The following CIITA variants were observed in gnomAD, a reference collection of about 807,000 sequenced individuals.
CIITA encodes the protein MHC class II transactivator.
Under a neutral mutation model 115.1 loss-of-function variants are expected in CIITA, and 72 were observed. The ratio of observed to expected loss-of-function variants is 0.63; its 90% CI spans 0.52 to 0.76. CIITA has a LOEUF of 0.76. Ranked by LOEUF, CIITA falls within the 30% of genes least tolerant of loss-of-function variation. CIITA has a pLI of 0.00. For synonymous variants in CIITA, 763 were observed against 635.6 expected, an observed-to-expected ratio of 1.20 and a Z score of -3.02; for missense variants, 1,617 against 1,463.8, an observed-to-expected ratio of 1.10 and a Z score of -1.71.
chr16:10,908,554 T>G (rs1187151506), intron 11 of CIITA: 2 of 412,514 alleles, frequency 4.8e-6, no homozygotes, highest in Non-Finnish European at 9.1e-6. Context: ...CATTTTGTAT[T>G]CAGCAACCAG....
chr16:10,907,068 C>T lies in CIITA; in HGVS notation c.1576C>T (p.Arg526Trp), dbSNP rs775124129. ...GPAPAEPCSL[R>W]GLLAGLFQKK... ...GGCACCGGCGGAGCCCTGCTCCCTC[C>T]GGGGGCTGCTGGCCGGCCTTTTCCA... Residue 526 changes from arginine (R) to tryptophan (W), a missense_variant, in exon 11 of 20, where the codon CGG becomes TGG. Physicochemically the swap from Arg to Trp is moderately radical, Grantham distance 101 (BLOSUM62 -3). Coordinates refer to ENST00000324288, the MANE Select transcript of CIITA (RefSeq NM_000246.4). This position sits in a 1 kb window ranked among gnomAD's most constrained non-coding sequence, Gnocchi z 5.0. 3.1e-6 allele frequency: 5 copies of T among 1,607,428 alleles called. No individual in the cohort carries two copies. The highest frequency in any genetic ancestry group is 3.4e-6 in the Non-Finnish European group (4 of 1,179,908).
Position 10,907,456 on chromosome 16 carries a change from G to T in CIITA, c.1964G>T (p.Gly655Val). 1 of 1,613,356 alleles carries T rather than the reference G, an allele frequency of 6.2e-7. No individual in the cohort carries two copies. Among genetic ancestry groups the T allele is most frequent in the Non-Finnish European group, 8.5e-7 (1 of 1,179,892 alleles). Residue 655 changes from glycine (G) to valine (V), a missense_variant, in exon 11 of 20, where the codon GGG (glycine) becomes GTG (valine). Coordinates refer to ENST00000324288, the MANE Select transcript of CIITA (RefSeq NM_000246.4). This position sits in a 1 kb window ranked among gnomAD's most constrained non-coding sequence, Gnocchi z 5.0. ...CGTGCAGCCCTCGACAGCCCCCCCG[G>T]GGCCCTGGCAGAGCTGGCCAAGCTG... The part of the protein sequence containing the change: ...LGRAALDSPP[G>V]ALAELAKLAW...
chr16:10,875,387 A>C (rs573956411), upstream of CIITA, among the ~76,000 whole-genome samples: 43 of 152,222 alleles, frequency 2.8e-4, no homozygotes, highest in Non-Finnish European at 6.0e-4. Context: ...TTCTGAAAAC[A>C]GTGAAGGCTT....
Position 10,910,193 on chromosome 16 carries a change from G to A in CIITA, c.2822G>A (p.Arg941Lys). 1 of 1,614,030 alleles carries A rather than the reference G, an allele frequency of 6.2e-7. No individual in the cohort carries two copies. Among genetic ancestry groups the A allele is most frequent in the Non-Finnish European group, 8.5e-7 (1 of 1,179,954 alleles). The change falls in exon 13 of 20, where the codon AGA (arginine) becomes AAA (lysine). Residue 941 changes from arginine to lysine, a missense_variant. Coordinates refer to ENST00000324288, the MANE Select transcript of CIITA (RefSeq NM_000246.4). ...LGKLVQTQRT[R>K]SSSEDTAGEL... ...ACATTGCCTGTTCTCTCCAGGACGA[G>A]AAGTTCCTCGGAAGACACAGCTGGG...
chr16:10,900,094 C>T (rs962698681), intron 5 of CIITA, among the ~76,000 whole-genome samples: 1 of 151,856 alleles, frequency 6.6e-6, no homozygotes, highest in East Asian at 1.9e-4. Flanking sequence ...CAACAACAAC[C>T]AAAAGAATAT....
upstream of CIITA, among the ~76,000 whole-genome samples, chr16:10,873,258 C>T (rs1034966759): frequency 2.0e-5 from 3 of 152,164 alleles, no homozygotes; most frequent in Admixed American, 1.3e-4. Flanking sequence ...CACTGCACCT[C>T]GCCTGATAAT....
chr16:10,918,254 C>T (rs1350683871), intron 15 of CIITA, among the ~76,000 whole-genome samples, 186 bp from the exon 16 acceptor site: 1 of 152,220 alleles, frequency 6.6e-6, no homozygotes, highest in Non-Finnish European at 1.5e-5. Context: ...CTCTCCCTCC[C>T]ATCCACCTCC....
chr16:10,929,607 G>T lies in CIITA; in HGVS notation c.*5752G>T. 1 of 978,910 alleles carries T rather than the reference G, an allele frequency of 1.0e-6. No homozygotes were observed. Among genetic ancestry groups the T allele is most frequent in the Non-Finnish European group, 1.2e-6 (1 of 824,014 alleles). 60.6% of individuals were successfully genotyped at this position (978,910 alleles called of 1,614,324 possible). A position where few individuals can be genotyped will look rare whatever the true frequency, so the allele number is the denominator to read the frequency against. On this transcript the variant is annotated 3_prime_UTR_variant, in exon 20 of 20. Transcript: ENST00000324288. This position sits in a 1 kb window ranked among gnomAD's most constrained non-coding sequence, Gnocchi z 4.3. ...GTTATTAGCACGGAAGCCCCACCCT[G>T]CCACCAGGTTGGCTGGGGACAGGGA...
At chr16:10,876,931 C>A (rs1158171547), upstream of CIITA, among the ~76,000 whole-genome samples, 1 of 152,218 alleles carries the variant, frequency 6.6e-6, no homozygotes, top group Non-Finnish European at 1.5e-5. Flanking sequence ...CCATTGTGAT[C>A]ATCATTTCTG....
chr16:10,898,396 A>T (rs1384830312), intron 3 of CIITA, among the ~76,000 whole-genome samples: 1 of 151,972 alleles, frequency 6.6e-6, no homozygotes, highest in African/African-American at 2.4e-5. Context: ...GTGGAATTTG[A>T]ACTCAAATCC....
chr16:10,887,208 G>A (rs1382183703), intron 1 of CIITA, among the ~76,000 whole-genome samples: 1 of 152,164 alleles, frequency 6.6e-6, no homozygotes, highest in Admixed American at 6.5e-5. Flanking sequence ...GCCCCCGGAA[G>A]CAGCTTGTCA....
intron 1 of CIITA, among the ~76,000 whole-genome samples, chr16:10,886,229 C>T (rs907770350): frequency 5.3e-5 from 8 of 152,090 alleles, no homozygotes; most frequent in South Asian, 2.1e-4. Context: ...CGAGTCACCA[C>T]GCCTGGCCAC....
chr16:10,918,822 G>A (rs8056450), intron 16 of CIITA, among the ~76,000 whole-genome samples: 21,506 of 152,194 alleles, frequency 0.14, 1,844 homozygotes, highest in Admixed American at 0.27. Context: ...CAGGGATGGC[G>A]GGACCAGGCT....
chr16:10,891,266 T>G, intron 1 of CIITA, among the ~76,000 whole-genome samples: 1 of 149,044 alleles, frequency 6.7e-6, no homozygotes, highest in Non-Finnish European at 1.5e-5. Flanking sequence ...AGCCTGGGAG[T>G]CTTGGCAGGG....
downstream of CIITA, chr16:10,937,673 G>T (rs1367740062): frequency 6.6e-6 from 1 of 152,202 alleles, no homozygotes; most frequent in African/African-American, 2.4e-5. This position sits in a 1 kb window ranked among gnomAD's most constrained non-coding sequence, Gnocchi z 4.2. Flanking sequence ...GAACCGGGAC[G>T]AATAATCCAA....
In CIITA at chr16:10,935,577, C is replaced by T. The variant is rs1368579804; in HGVS notation, c.*11722C>T. ...AAGCACTAAAACTAGTGCATTTCATCTTAAACTGCAAATTATAAAGGGAAT... is the reference window on the plus strand; with the variant it reads ...AAGCACTAAAACTAGTGCATTTCATTTTAAACTGCAAATTATAAAGGGAAT... On this transcript the variant is annotated 3_prime_UTR_variant, in exon 20 of 20. Transcript: ENST00000324288. 2 of 152,184 alleles carry T rather than the reference C, an allele frequency of 1.3e-5. No homozygotes were observed. Among genetic ancestry groups the T allele is most frequent in the Admixed American group, 1.3e-4 (2 of 15,278 alleles). The allele number at this position is 152,184 out of a possible 1,614,324, so 9.4% of individuals were successfully genotyped here.
intron 1 of CIITA, chr16:10,888,258 C>A (rs976679175): frequency 1.3e-5 from 2 of 152,164 alleles, no homozygotes; most frequent in African/African-American, 2.4e-5. Context: ...CAATTATTAT[C>A]CCCCACTTTA....
chr16:10,878,465 G>A (rs1271439452), intron 1 of CIITA, among the ~76,000 whole-genome samples: 3 of 152,186 alleles, frequency 2.0e-5, no homozygotes, highest in African/African-American at 4.8e-5. Context: ...CACGGCTGGG[G>A]GTGTGGTCAT....
Position 10,923,487 on chromosome 16 carries a change from C to T in CIITA, c.*22+162C>T, listed in dbSNP as rs551767335. 1.9e-4 allele frequency among the ~76,000 whole-genome samples: 29 copies of T among 152,190 alleles called. No homozygotes were observed. Among genetic ancestry groups the T allele is most frequent in the South Asian group, 6.2e-4 (3 of 4,814 alleles). On this transcript the variant is annotated intron_variant, in intron 19 of 19. Transcript: ENST00000324288. This position sits in a 1 kb window ranked among gnomAD's most constrained non-coding sequence, Gnocchi z 5.2. The stretch of plus-strand genomic sequence containing the variant: ...CATCCCCTCATCTCCACCCTGGGCT[C>T]GGTGGAGCTGTCCTCCAGGCTTTGC...
Sources: allele counts gnomAD v4.1 joint callset (sites outside exome capture counted in the v4.1 genomes callset), GRCh38; gene constraint gnomAD v4.1.1; non-coding constraint Gnocchi (gnomAD v3.1); transcripts MANE v1.5; gene names NCBI Gene and HGNC (gene_info 2026-07-23, HGNC 2026-07-21).